Variants in ASPM observed in about 807,000 individuals in gnomAD.
The protein encoded by ASPM is assembly factor for spindle microtubules.
A neutral mutation model predicts 366.4 loss-of-function variants in ASPM; 256 were observed. The observed-to-expected ratio is 0.70, with a 90% CI of 0.63 to 0.77. ASPM has a LOEUF of 0.77. Among genes scored for constraint, ASPM ranks in the 30% least tolerant of loss-of-function variants. The pLI, the probability that ASPM is intolerant of heterozygous loss-of-function variation, is 0.00. For missense variants in ASPM, 4,146 were observed against 4,090.4 expected, an observed-to-expected ratio of 1.01 and a Z score of -0.37; for synonymous variants, 1,414 against 1,342.9, an observed-to-expected ratio of 1.05 and a Z score of -1.16.
At chr1:197,123,990 AG>A in intron 13 of ASPM, 119 bp downstream of exon 13, 1 of 810,856 alleles carries the variant, frequency 1.2e-6, no homozygotes, top group Non-Finnish European at 2.0e-6. Context: ...TTTGAGGGAA[AG>A]TTTGCTTACA....
chr1:197,101,328 C>G lies in ASPM; in HGVS notation c.7923G>C (p.Arg2641Ser). 6.2e-7 allele frequency: 1 copy of G among 1,611,332 alleles called. No individual in the cohort carries two copies. The highest frequency in any genetic ancestry group is 8.5e-7 in the Non-Finnish European group (1 of 1,178,826). Residue 2641 changes from arginine to serine, a missense_variant, in exon 18 of 28, where the codon AGG (arginine) becomes AGC (serine). Arg to Ser is a moderately radical substitution (Grantham distance 110). Around this residue, in one of 3 missense-constraint regions of ASPM, gnomAD observed 3,624 missense variants for 3,591.7 expected, o/e 1.01. Coordinates refer to ENST00000367409, the MANE Select transcript of ASPM (RefSeq NM_018136.5). ...TTGCTCTAAGGTGGAGATAATGCTT[C>G]CTTATTTTAAAGGCTTTACAATGCT... ...IQKHCKAFKI[R>S]KHYLHLRATV...
At position 197,128,293 on chromosome 1, in the gene ASPM, G is replaced by A. The variant is rs118167090; in HGVS notation, c.2936+197C>T. Among the ~76,000 whole-genome samples, 106 of 150,476 alleles carry A rather than the reference G, an allele frequency of 7.0e-4. 1 individual carries two copies. In the East Asian group the frequency reaches 0.02, roughly 29 times the overall value. ...GTCACATGCCATCAGGAAAAAAGGT[G>A]TGGATAGGAGACAAGGTTTCTGGAC... On this transcript the variant is annotated intron_variant, in intron 10 of 27. Transcript: ENST00000367409.
intron 25 of ASPM, among the ~76,000 whole-genome samples, chr1:197,089,563 AATTATT>A (rs1656709305): frequency 6.6e-6 from 1 of 151,948 alleles, no homozygotes; most frequent in Non-Finnish European, 1.5e-5. Context: ...TAATTTCTAT[AATTATT>A]ATTATTTTTT....
At chr1:197,085,861 A>G (rs61819074) in intron 27 of ASPM, among the ~76,000 whole-genome samples, 46,081 of 152,024 alleles carry the variant, frequency 0.3, 8,813 homozygotes, top group Middle Eastern at 0.46. Context: ...AACGAATTGA[A>G]TTGCATACAT....
chr1:197,142,904 T>C lies in ASPM; in HGVS notation c.1348A>G (p.Ile450Val), dbSNP rs768273144. The change falls in exon 3 of 28, where the codon ATT becomes GTT. Residue 450 changes from isoleucine (I) to valine (V), a missense_variant. Coordinates refer to ENST00000367409, the MANE Select transcript of ASPM (RefSeq NM_018136.5). ...TTCATTTCTACTAGTTCTTCAAAAA[T>C]AGCTTTGGGAGATTTTGAACCCTGA... ...ECQGSKSPKA[I>V]FEELVEMKSN... 2 of 1,613,754 alleles carry C rather than the reference T, an allele frequency of 1.2e-6. No individual in the cohort carries two copies. Among genetic ancestry groups the C allele is most frequent in the East Asian group, 2.2e-5 (1 of 44,860 alleles).
intron 17 of ASPM, among the ~76,000 whole-genome samples, chr1:197,110,886 G>A (rs1341238411): frequency 6.6e-6 from 1 of 152,032 alleles, no homozygotes; most frequent in Non-Finnish European, 1.5e-5. Flanking sequence ...AACGGTCAGT[G>A]CAGAAGATTA....
chr1:197,129,097 T>C, intron 9 of ASPM, 90 bp downstream of exon 9: 3 of 1,460,274 alleles, frequency 2.1e-6, no homozygotes, highest in East Asian at 2.4e-5. Flanking sequence ...GGAAAACTAA[T>C]TTTTTTTCTA....
chr1:197,132,245 T>TA (rs754682512), intron 7 of ASPM, 40 bp downstream of exon 7: 5 of 1,463,324 alleles, frequency 3.4e-6, no homozygotes, highest in African/African-American at 1.4e-5. Context: ...AAGTATATAA[T>TA]AAAAAAATAT....
chr1:197,107,851 C>A (rs1367063871), intron 17 of ASPM, among the ~76,000 whole-genome samples: 1 of 152,128 alleles, frequency 6.6e-6, no homozygotes, highest in Admixed American at 6.6e-5. Context: ...TGGGCCAATT[C>A]TGTTGCAACA....
At chr1:197,110,235 T>C (rs1312162768) in intron 17 of ASPM, among the ~76,000 whole-genome samples, 1 of 152,036 alleles carries the variant, frequency 6.6e-6, no homozygotes, top group East Asian at 1.9e-4. Flanking sequence ...CATGTATTAA[T>C]GAAACAGAAT....
intron 12 of ASPM, 132 bp downstream of exon 12, chr1:197,124,738 C>T (rs1658031836): frequency 1.4e-6 from 1 of 693,854 alleles, no homozygotes. Flanking sequence ...TAGCATTTAT[C>T]ACAGTTACTG....
rs773272238 is a variant in ASPM, at chr1:197,105,154, C to T, written c.4097G>A (p.Arg1366Lys). The T allele has an allele frequency of 1.2e-6, 2 of 1,608,352 alleles. No individual in the cohort carries two copies. Among genetic ancestry groups the T allele is most frequent in the Non-Finnish European group, 1.7e-6 (2 of 1,175,850 alleles). Reference protein sequence around the residue: ...GYWRRYSTRQRFLKLKYYSII... With the variant: ...GYWRRYSTRQKFLKLKYYSII... ...TGAATAATATTTCAATTTCAGAAAT[C>T]TTTGTCTAGTGGAATATCTTCTCCA... Residue 1366 changes from arginine to lysine, a missense_variant, in exon 18 of 28, where the codon AGA becomes AAA. Around this residue, in one of 3 missense-constraint regions of ASPM, gnomAD observed 3,624 missense variants for 3,591.7 expected, o/e 1.01. Transcript: ENST00000367409.
At position 197,146,531 on chromosome 1, in the gene ASPM, C is replaced by G. The variant is rs1245896238; in HGVS notation, c.-94G>C. On this transcript the variant is annotated 5_prime_UTR_variant, in exon 1 of 28. Coordinates refer to ENST00000367409, the MANE Select transcript of ASPM (RefSeq NM_018136.5). The stretch of plus-strand genomic sequence containing the variant: ...GGGACTTACGCTGACCGCTTCCCCT[C>G]AGGGGCGGCTGTAGAGGTCGTGGGA... 5 of 1,418,046 alleles carry G rather than the reference C, an allele frequency of 3.5e-6. No individual in the cohort carries two copies. Among genetic ancestry groups the G allele is most frequent in the Non-Finnish European group, 4.9e-6 (5 of 1,027,714 alleles). The allele number at this position is 1,418,046 out of a possible 1,614,324, so 87.8% of individuals were successfully genotyped here.
chr1:197,133,689 A>T (rs1037829927), intron 5 of ASPM, 94 bp from the exon 6 acceptor site: 3 of 1,445,546 alleles, frequency 2.1e-6, no homozygotes, highest in Non-Finnish European at 2.9e-6. Context: ...GACGGTAAAA[A>T]CATAATCTAT....
chr1:197,139,647 T>C lies in ASPM; in HGVS notation c.2026+120A>G, dbSNP rs1571627564. ...AATATCCTGTCATTTTAATACACACTTTAACAATTCTTCCAGGCTGTTATT... is the reference window on the plus strand; with the variant it reads ...AATATCCTGTCATTTTAATACACACCTTAACAATTCTTCCAGGCTGTTATT... On this transcript the variant is annotated intron_variant, in intron 4 of 27. Coordinates refer to ENST00000367409, the MANE Select transcript of ASPM (RefSeq NM_018136.5). 4 of 865,388 alleles carry C rather than the reference T, an allele frequency of 4.6e-6. No homozygotes were observed. In the East Asian group the frequency reaches 9.8e-5, roughly 21 times the overall value. The allele number at this position is 865,388 out of a possible 1,614,324, so 53.6% of individuals were successfully genotyped here.
chr1:197,093,194 C>T lies in ASPM; in HGVS notation c.9152G>A (p.Arg3051Gln), dbSNP rs368000478. ...RGYKGRQVFL[R>Q]QKSAALIIQK... The stretch of plus-strand genomic sequence containing the variant: ...TATGATCAAAGCAGCAGATTTCTGC[C>T]GAAGAAAGACCTGCCTTCCTTTATA... The change falls in exon 21 of 28, where the codon CGG becomes CAG. Residue 3051 changes from arginine (R) to glutamine (Q), a missense_variant. Coordinates refer to ENST00000367409, the MANE Select transcript of ASPM (RefSeq NM_018136.5). The T allele has an allele frequency of 6.2e-5, 100 of 1,612,348 alleles. No homozygotes were observed. The highest frequency in any genetic ancestry group is 1.3e-4 in the East Asian group (6 of 44,842).
At position 197,103,993 on chromosome 1, in the gene ASPM, T is replaced by C. The variant is rs1234484862; in HGVS notation, c.5258A>G (p.Lys1753Arg). 6.2e-7 allele frequency: 1 copy of C among 1,612,418 alleles called. No homozygotes were observed. The highest frequency in any genetic ancestry group is 8.5e-7 in the Non-Finnish European group (1 of 1,179,394). ...LVRKQMRLQR[K>R]AVISLQSYFR... is the part of the protein sequence containing the mutation. ...ATAAGACTGTAGTGAAATAACAGCT[T>C]TTCTTTGTAACCTCATCTGCTTTCG... Residue 1753 changes from lysine (K) to arginine (R), a missense_variant, in exon 18 of 28, where the codon AAA becomes AGA. Lys to Arg is a conservative substitution (Grantham distance 26). Coordinates refer to ENST00000367409, the MANE Select transcript of ASPM (RefSeq NM_018136.5).
At chr1:197,105,804 C>T (rs1657390745) in intron 17 of ASPM, among the ~76,000 whole-genome samples, 1 of 151,970 alleles carries the variant, frequency 6.6e-6, no homozygotes, top group Non-Finnish European at 1.5e-5. Flanking sequence ...AATGACAAAA[C>T]TTTTGTCTTT....
Position 197,103,601 on chromosome 1 carries a change from C to G in ASPM, c.5650G>C (p.Ala1884Pro). ...TTCCGAACCTTCCAGCCACGATAAG[C>G]AGACTGGAGGGAAATCACAGCTGCC... ...TKAAVISLQS[A>P]YRGWKVRKQI... Residue 1884 changes from alanine (A) to proline (P), a missense_variant, in exon 18 of 28, where the codon GCT becomes CCT. Ala to Pro is a conservative substitution (Grantham distance 27). Transcript: ENST00000367409. 6.2e-7 allele frequency: 1 copy of G among 1,612,900 alleles called. No homozygotes were observed. The highest frequency in any genetic ancestry group is 1.3e-5 in the African/African-American group (1 of 74,948).
Sources: gnomAD v4.1 joint callset for allele counts (sites outside exome capture counted in the v4.1 genomes callset) on GRCh38, gnomAD v4.1.1 for gene constraint, gnomAD v4.1.1 regional missense constraint, MANE v1.5 for transcripts, NCBI Gene and HGNC (gene_info 2026-07-23, HGNC 2026-07-21) for gene names.